The following CD40 variants were observed in gnomAD, a reference collection of about 807,000 sequenced individuals.
CD40 encodes tumor necrosis factor receptor superfamily member 5.
CD40 carries 19 observed loss-of-function variants against 38.5 expected under a neutral mutation model. That is an observed-to-expected ratio of 0.49 (90% CI 0.34 to 0.72). The LOEUF (loss-of-function observed/expected upper bound fraction) is 0.72. Among genes scored for constraint, CD40 ranks in the 30% least tolerant of loss-of-function variants. CD40 has a pLI of 0.01. For missense variants in CD40, 256 were observed against 344.1 expected (o/e 0.74, Z 2.03); for synonymous variants, 130 against 128.7 (o/e 1.01, Z -0.07).
chr20:46,122,989 G>C lies in CD40; in HGVS notation c.404-137G>C. On this transcript the variant is annotated intron_variant, in intron 4 of 8. Transcript: ENST00000372285. The surrounding 1 kb of genome is among the most constrained non-coding windows in gnomAD (Gnocchi z 5.0). ...AGAAGTCCTCCTGGGGACTGCAGCT[G>C]TCGGGGGCAGTACCACATCGGGGGA... 1 of 874,810 alleles carries C rather than the reference G, an allele frequency of 1.1e-6. No individual in the cohort carries two copies. Among genetic ancestry groups the C allele is most frequent in the Non-Finnish European group, 1.9e-6 (1 of 528,190 alleles). 54.2% of individuals were successfully genotyped at this position (874,810 alleles called of 1,614,324 possible).
At position 46,122,017 on chromosome 20, in the gene CD40, C is replaced by A; in HGVS notation, c.130+119C>A. On this transcript the variant is annotated intron_variant, in intron 2 of 8. Coordinates refer to ENST00000372285, the MANE Select transcript of CD40 (RefSeq NM_001250.6). This position sits in a 1 kb window ranked among gnomAD's most constrained non-coding sequence, Gnocchi z 5.0. ...AACGACCCATTTCCCAGCCCTGCTTCACTGTCAGAATGTTCTGGTTCCCTC... is the reference window on the plus strand; with the variant it reads ...AACGACCCATTTCCCAGCCCTGCTTAACTGTCAGAATGTTCTGGTTCCCTC... 9.5e-7 allele frequency: 1 copy of A among 1,052,584 alleles called. No individual in the cohort carries two copies. Among genetic ancestry groups the A allele is most frequent in the Non-Finnish European group, 1.5e-6 (1 of 684,414 alleles). 65.2% of individuals were successfully genotyped at this position (1,052,584 alleles called of 1,614,324 possible).
intron 6 of CD40, 67 bp downstream of exon 6, chr20:46,126,768 A>G: frequency 1.2e-6 from 2 of 1,612,926 alleles, no homozygotes; most frequent in Non-Finnish European, 1.7e-6. Context: ...GAGATGAGGC[A>G]CACAGGAACA....
At chr20:46,120,556 C>G (rs1346938225) in intron 1 of CD40, among the ~76,000 whole-genome samples, 1 of 152,206 alleles carries the variant, frequency 6.6e-6, no homozygotes, top group African/African-American at 2.4e-5. Context: ...GTCTCTGGAG[C>G]TAGAATAGAG....
At chr20:46,127,547 T>A (rs1350249071) in intron 6 of CD40, among the ~76,000 whole-genome samples, 1 of 152,234 alleles carries the variant, frequency 6.6e-6, no homozygotes, top group African/African-American at 2.4e-5. Flanking sequence ...TTTACCTTGA[T>A]GACTGAGTGT....
At chr20:46,119,706 C>G (rs1407095648) in intron 1 of CD40, among the ~76,000 whole-genome samples, 4 of 152,150 alleles carry the variant, frequency 2.6e-5, no homozygotes, top group African/African-American at 9.7e-5. Context: ...CACAACTCCC[C>G]CATTATACAG....
At chr20:46,119,963 C>G (rs1352411716) in intron 1 of CD40, among the ~76,000 whole-genome samples, 11 of 152,162 alleles carry the variant, frequency 7.2e-5, no homozygotes, top group Admixed American at 5.9e-4. Flanking sequence ...AAGATGGTAT[C>G]AAGGACTTTC....
intron 1 of CD40, 85 bp downstream of exon 1, chr20:46,118,479 T>C: frequency 1.5e-6 from 1 of 673,468 alleles, no homozygotes; most frequent in Non-Finnish European, 2.6e-6. Context: ...GAAGAGGCCT[T>C]CCTGGCTGAT....
intron 4 of CD40, 50 bp from the exon 5 acceptor site, chr20:46,123,076 A>G: frequency 7.2e-7 from 1 of 1,388,938 alleles, no homozygotes; most frequent in Non-Finnish European, 1.0e-6. Context: ...TGTGAGCCGG[A>G]CAGGTGGTCC....
chr20:46,119,936 T>C (rs1371783883), intron 1 of CD40, among the ~76,000 whole-genome samples: 2 of 152,322 alleles, frequency 1.3e-5, no homozygotes, highest in African/African-American at 2.4e-5. Flanking sequence ...GGGAGCGTTT[T>C]ATTTCTCATG....
Position 46,129,050 on chromosome 20 carries a change from C to T in CD40, c.*10C>T. The T allele has an allele frequency of 1.2e-6, 2 of 1,613,908 alleles. No homozygotes were observed. Among genetic ancestry groups the T allele is most frequent in the East Asian group, 2.2e-5 (1 of 44,890 alleles). On this transcript the variant is annotated 3_prime_UTR_variant, in exon 9 of 9. Transcript: ENST00000372285. The stretch of plus-strand genomic sequence containing the variant: ...GCAGGAGAGACAGTGAGGCTGCACC[C>T]ACCCAGGAGTGTGGCCACGTGGGCA...
chr20:46,120,578 C>T (rs924082250), intron 1 of CD40, among the ~76,000 whole-genome samples: 2 of 152,252 alleles, frequency 1.3e-5, no homozygotes, highest in African/African-American at 2.4e-5. Flanking sequence ...TAATGCCTCT[C>T]AAAGGCTTGC....
chr20:46,128,733 G>C, intron 8 of CD40, 149 bp from the exon 9 acceptor site: 1 of 798,714 alleles, frequency 1.3e-6, no homozygotes, highest in Non-Finnish European at 2.0e-6. Context: ...TGGCCAGCAG[G>C]GGGCAGGAGG....
At chr20:46,124,081 T>C (rs1404549978) in intron 5 of CD40, among the ~76,000 whole-genome samples, 3 of 152,148 alleles carry the variant, frequency 2.0e-5, no homozygotes, top group Non-Finnish European at 4.4e-5. Context: ...GTGGATCACT[T>C]GAGGTCAGGA....
intron 1 of CD40, among the ~76,000 whole-genome samples, chr20:46,119,094 AGGGCTGGAGAAACCAG>A (rs2085268956): frequency 6.6e-6 from 1 of 152,132 alleles, no homozygotes; most frequent in Non-Finnish European, 1.5e-5. Context: ...TGGTGATCAG[AGGGCTGGAGAAACCAG>A]GGGTTTCTCC....
At chr20:46,127,246 G>A (rs11569332) in intron 6 of CD40, 251 of 155,504 alleles carry the variant, frequency 1.6e-3, no homozygotes, top group Non-Finnish European at 2.8e-3. Flanking sequence ...ACTTGCCCTC[G>A]GGCGCAATAT....
At chr20:46,128,490 C>T (rs1431660703) in intron 8 of CD40, 132 bp downstream of exon 8, 10 of 961,452 alleles carry the variant, frequency 1.0e-5, no homozygotes, top group Non-Finnish European at 1.6e-5. Flanking sequence ...GAATTGGGGA[C>T]TGTCATCCCC....
In CD40 at chr20:46,124,751, G is replaced by GTTTTTTTTTTTTTT. The variant is rs780015926; in HGVS notation, c.497+1552_497+1565dup. 4.3e-4 allele frequency among the ~76,000 whole-genome samples: 32 copies of GTTTTTTTTTTTTTT among 73,960 alleles called. 6 individuals are homozygous for GTTTTTTTTTTTTTT. The highest frequency in any genetic ancestry group is 1.1e-3 in the South Asian group (2 of 1,762). The allele number at this position is 73,960 out of a possible 152,430, so 48.5% of individuals were successfully genotyped here. ...GATAACTGGAGGCACCACTGGTATA[G>GTTTTTTTTTTTTTT]TTTTTTTTTTTTTTTTTTTTTTTTT... On this transcript the variant is annotated intron_variant, in intron 5 of 8. Coordinates refer to ENST00000372285, the MANE Select transcript of CD40 (RefSeq NM_001250.6).
intron 1 of CD40, 104 bp downstream of exon 1, chr20:46,118,498 G>T: frequency 2.1e-6 from 2 of 933,546 alleles, no homozygotes; most frequent in Non-Finnish European, 1.7e-6. Flanking sequence ...ATTTTTGTGG[G>T]GGCAGGAGGG....
chr20:46,126,713 A>G lies in CD40; in HGVS notation c.559+12A>G, dbSNP rs1486254102. The G allele has an allele frequency of 6.2e-7, 1 of 1,613,958 alleles. No individual in the cohort carries two copies. Among genetic ancestry groups the G allele is most frequent in the African/African-American group, 1.3e-5 (1 of 74,914 alleles). On this transcript the variant is annotated intron_variant, in intron 6 of 8. Transcript: ENST00000372285. The stretch of plus-strand genomic sequence containing the variant: ...TGATGTTGTCTGTGGTGAGTCCTGG[A>G]CAATGGGCCCTGGAGAAAGCCTAGG...
Sources: allele counts gnomAD v4.1 joint callset (sites outside exome capture counted in the v4.1 genomes callset), GRCh38; gene constraint gnomAD v4.1.1; non-coding constraint Gnocchi (gnomAD v3.1); transcripts MANE v1.5; gene names NCBI Gene and HGNC (gene_info 2026-07-23, HGNC 2026-07-21).